CSMD1: variants seen among roughly 807,000 people sequenced by gnomAD.
The protein encoded by CSMD1 is CUB and sushi domain-containing protein 1.
A neutral mutation model predicts 417.5 loss-of-function variants in CSMD1; 213 were observed. The observed-to-expected ratio is 0.51, with a 90% confidence interval of 0.46 to 0.57. The LOEUF is 0.57. Ranked by LOEUF, CSMD1 falls within the 20% of genes least tolerant of loss-of-function variation. The pLI is 0.00. For synonymous variants in CSMD1, 2,862 were observed against 1,736.8 expected, an observed-to-expected ratio of 1.65 and a Z score of -16.11; for missense variants, 6,923 against 4,529.7, an observed-to-expected ratio of 1.53 and a Z score of -15.17.
chr8:4,331,100 A>G (rs1204057268), intron 3 of CSMD1, among the ~76,000 whole-genome samples: 1 of 152,216 alleles, frequency 6.6e-6, no homozygotes, highest in Non-Finnish European at 1.5e-5. Context: ...ACTACATATA[A>G]TAGCAAAATG....
chr8:4,934,527 G>A (rs117201049), intron 1 of CSMD1, among the ~76,000 whole-genome samples: 2,594 of 152,224 alleles, frequency 0.017, 35 homozygotes, highest in Non-Finnish European at 0.027. Context: ...GCTTTGAGCT[G>A]ACTTAAGTTG....
chr8:4,850,855 G>A (rs1290308848), intron 1 of CSMD1, among the ~76,000 whole-genome samples: 1 of 151,904 alleles, frequency 6.6e-6, no homozygotes, highest in South Asian at 2.1e-4. Context: ...AATAAAGTAT[G>A]TTTAGTCCTC....
intron 5 of CSMD1, 55 bp from the exon 6 acceptor site, chr8:3,754,097 C>G (rs1584947651): frequency 8.5e-6 from 10 of 1,180,936 alleles, no homozygotes; most frequent in African/African-American, 7.5e-5. Context: ...GAGCAAATGT[C>G]CTATATCAAA....
At chr8:3,918,289 A>G (rs1292594351) in intron 5 of CSMD1, among the ~76,000 whole-genome samples, 2 of 152,172 alleles carry the variant, frequency 1.3e-5, no homozygotes, top group East Asian at 1.9e-4. Flanking sequence ...AACTCTTTTC[A>G]TAAGGACTGA....
At chr8:3,140,520 CCT>C (rs1205851027) in intron 41 of CSMD1, among the ~76,000 whole-genome samples, 1 of 152,110 alleles carries the variant, frequency 6.6e-6, no homozygotes, top group Non-Finnish European at 1.5e-5. Context: ...TCTCCAGTTT[CCT>C]CTCTTTTTTG....
At chr8:3,031,408 T>C (rs1440289212) in intron 50 of CSMD1, among the ~76,000 whole-genome samples, 1 of 152,014 alleles carries the variant, frequency 6.6e-6, no homozygotes, top group African/African-American at 2.4e-5. Context: ...GGCACATGTA[T>C]ACATGTGTAA....
At chr8:4,792,335 T>C (rs551176507) in intron 1 of CSMD1, among the ~76,000 whole-genome samples, 5 of 152,214 alleles carry the variant, frequency 3.3e-5, no homozygotes, top group Non-Finnish European at 5.9e-5. Flanking sequence ...AGTAGTCCAG[T>C]AGCAAGAAGG....
intron 15 of CSMD1, among the ~76,000 whole-genome samples, chr8:3,402,649 T>G (rs911188706): frequency 1.3e-5 from 2 of 152,228 alleles, no homozygotes; most frequent in Non-Finnish European, 1.5e-5. Context: ...TAAAGTTATA[T>G]TATTTTTATG....
intron 1 of CSMD1, among the ~76,000 whole-genome samples, chr8:4,791,835 C>G (rs911928450): frequency 6.6e-6 from 1 of 152,010 alleles, no homozygotes; most frequent in African/African-American, 2.4e-5. Flanking sequence ...TACAAAATTC[C>G]AACAGATATA....
chr8:3,160,648 T>C (rs1036427640), intron 38 of CSMD1, among the ~76,000 whole-genome samples: 4 of 152,210 alleles, frequency 2.6e-5, no homozygotes, highest in African/African-American at 9.6e-5. Flanking sequence ...ATGTAAGTGG[T>C]AGGTTTGTTC....
chr8:4,589,327 T>C (rs567899528), intron 2 of CSMD1, among the ~76,000 whole-genome samples: 45 of 152,336 alleles, frequency 3.0e-4, no homozygotes, highest in Middle Eastern at 3.4e-3. Flanking sequence ...TCTTTAGCCA[T>C]GTTTTTTCTG....
At chr8:3,634,539 T>A (rs1400943618) in intron 7 of CSMD1, among the ~76,000 whole-genome samples, 2 of 152,142 alleles carry the variant, frequency 1.3e-5, no homozygotes, top group Non-Finnish European at 2.9e-5. Flanking sequence ...CTCTTCCCTT[T>A]TTTGCCTTTA....
chr8:4,503,789 A>T (rs1308224086), intron 2 of CSMD1, among the ~76,000 whole-genome samples: 1 of 152,126 alleles, frequency 6.6e-6, no homozygotes, highest in African/African-American at 2.4e-5. Context: ...AGGCACTGTG[A>T]CAATGTGAAT....
intron 5 of CSMD1, among the ~76,000 whole-genome samples, chr8:3,908,389 T>C (rs1419262893): frequency 6.6e-6 from 1 of 152,228 alleles, no homozygotes; most frequent in Non-Finnish European, 1.5e-5. Context: ...AATGGGAATC[T>C]GATAAATTTG....
At chr8:4,025,752 G>C (rs564174750) in intron 4 of CSMD1, among the ~76,000 whole-genome samples, 1 of 152,240 alleles carries the variant, frequency 6.6e-6, no homozygotes, top group South Asian at 2.1e-4. Flanking sequence ...TAATGTCAAT[G>C]TGATGTTTGT....
chr8:4,523,975 C>A (rs531856683), intron 2 of CSMD1, among the ~76,000 whole-genome samples: 1 of 152,070 alleles, frequency 6.6e-6, no homozygotes, highest in South Asian at 2.1e-4. Context: ...GCAGTTCCTA[C>A]GCTCTCCTCA....
At chr8:3,073,886 T>C (rs1002945137) in intron 49 of CSMD1, among the ~76,000 whole-genome samples, 4 of 152,272 alleles carry the variant, frequency 2.6e-5, no homozygotes, top group Admixed American at 1.3e-4. Flanking sequence ...GACTGTTAGA[T>C]GTGCAAGAAT....
chr8:4,167,948 T>G (rs1315859204), intron 3 of CSMD1, among the ~76,000 whole-genome samples: 1 of 151,832 alleles, frequency 6.6e-6, no homozygotes, highest in Non-Finnish European at 1.5e-5. Flanking sequence ...GCCAGCATGG[T>G]GAAACCCTAT....
At chr8:3,446,150 T>G (rs73497425) in intron 12 of CSMD1, among the ~76,000 whole-genome samples, 6 of 151,714 alleles carry the variant, frequency 4.0e-5, no homozygotes, top group Admixed American at 6.6e-5. Flanking sequence ...AGAAAGGAAA[T>G]TGCCATGGCC....
Sources: gnomAD v4.1 joint callset for allele counts (sites outside exome capture counted in the v4.1 genomes callset) on GRCh38, gnomAD v4.1.1 for gene constraint, MANE v1.5 for transcripts, NCBI Gene and HGNC (gene_info 2026-07-23, HGNC 2026-07-21) for gene names.